Variants in CERS6 observed in about 807,000 individuals in gnomAD.
The protein encoded by CERS6 is ceramide synthase 6, also known as LAG1 homolog, ceramide synthase 6.
A neutral mutation model predicts 56.8 loss-of-function variants in CERS6; 26 were observed. That is an observed-to-expected ratio of 0.46 (90% CI 0.34 to 0.63). The LOEUF is 0.63. Among genes scored for constraint, CERS6 ranks in the 30% least tolerant of loss-of-function variants. The pLI, the probability that CERS6 is intolerant of heterozygous loss-of-function variation, is 0.01. For synonymous variants in CERS6, 164 were observed against 173.3 expected (o/e 0.95, Z 0.42); for missense variants, 415 against 467.5 (o/e 0.89, Z 1.04).
At chr2:168,643,054 A>G (rs1260509388) in intron 4 of CERS6, among the ~76,000 whole-genome samples, 1 of 152,212 alleles carries the variant, frequency 6.6e-6, no homozygotes, top group Non-Finnish European at 1.5e-5. Context: ...GGCGGAGGTA[A>G]TAACTATACC....
intron 3 of CERS6, among the ~76,000 whole-genome samples, chr2:168,582,487 G>A (rs1405749668): frequency 6.6e-6 from 1 of 152,008 alleles, no homozygotes; most frequent in African/African-American, 2.4e-5. Context: ...AGAGAGCAAG[G>A]GGTTTGTCTG....
chr2:168,571,485 A>G (rs527475888), intron 3 of CERS6, among the ~76,000 whole-genome samples: 1 of 152,228 alleles, frequency 6.6e-6, no homozygotes, highest in African/African-American at 2.4e-5. Flanking sequence ...CATTTGGACT[A>G]AGTAACAGGG....
intron 4 of CERS6, among the ~76,000 whole-genome samples, chr2:168,674,055 G>A (rs572205460): frequency 2.6e-5 from 4 of 152,056 alleles, no homozygotes; most frequent in Non-Finnish European, 5.9e-5. Context: ...GACCTGTTAC[G>A]TATGGGTTTT....
chr2:168,630,134 A>G (rs936805652), intron 3 of CERS6, among the ~76,000 whole-genome samples: 3 of 152,018 alleles, frequency 2.0e-5, no homozygotes, highest in Non-Finnish European at 4.4e-5. Context: ...TTATACTACA[A>G]TAAGTTAATT....
chr2:168,570,582 A>G (rs1695967447), intron 3 of CERS6, among the ~76,000 whole-genome samples: 1 of 152,104 alleles, frequency 6.6e-6, no homozygotes, highest in Non-Finnish European at 1.5e-5. Context: ...GATCAGCCTT[A>G]GGAGGTCAGC....
At chr2:168,663,014 G>A (rs1252027547) in intron 4 of CERS6, among the ~76,000 whole-genome samples, 1 of 152,210 alleles carries the variant, frequency 6.6e-6, no homozygotes, top group East Asian at 1.9e-4. Flanking sequence ...TGTGAATGGA[G>A]CCTATTGTTA....
intron 1 of CERS6, among the ~76,000 whole-genome samples, chr2:168,531,641 G>A (rs1056675511): frequency 1.2e-4 from 18 of 152,098 alleles, no homozygotes; most frequent in Non-Finnish European, 1.5e-5. Context: ...GACCAACATG[G>A]TGAAACCCCG....
At chr2:168,766,217 C>T in intron 9 of CERS6, 2 of 1,029,898 alleles carry the variant, frequency 1.9e-6, no homozygotes, top group Middle Eastern at 2.0e-4. Flanking sequence ...AATAAAGCTT[C>T]CTAAGCCTCA....
At chr2:168,565,706 A>T (rs1695872494) in intron 3 of CERS6, among the ~76,000 whole-genome samples, 1 of 152,246 alleles carries the variant, frequency 6.6e-6, no homozygotes, top group Non-Finnish European at 1.5e-5. Flanking sequence ...CTGTTTAGCG[A>T]GTAAAATGCT....
At chr2:168,546,849 G>C (rs926798294) in intron 1 of CERS6, among the ~76,000 whole-genome samples, 15 of 151,856 alleles carry the variant, frequency 9.9e-5, no homozygotes, top group Non-Finnish European at 4.4e-5. Flanking sequence ...CACACCTTTG[G>C]GGCCCCATGC....
chr2:168,739,132 T>C (rs7589456), intron 8 of CERS6, among the ~76,000 whole-genome samples: 133,963 of 146,006 alleles, frequency 0.92, 61,561 homozygotes, highest in East Asian at 0.99. Flanking sequence ...TGGTCTCAAA[T>C]TCCTGAGCTC....
At chr2:168,632,354 A>G (rs1480185118) in intron 4 of CERS6, among the ~76,000 whole-genome samples, 1 of 152,214 alleles carries the variant, frequency 6.6e-6, no homozygotes, top group Non-Finnish European at 1.5e-5. Flanking sequence ...TTTTAAATAC[A>G]TTTAAGATTT....
intron 1 of CERS6, among the ~76,000 whole-genome samples, chr2:168,534,510 G>T (rs1695223887): frequency 6.6e-6 from 1 of 151,940 alleles, no homozygotes; most frequent in South Asian, 2.1e-4. Flanking sequence ...GTTCCCTGGG[G>T]GTTCATTTCA....
At chr2:168,677,984 C>T (rs576828473) in intron 4 of CERS6, among the ~76,000 whole-genome samples, 1 of 152,284 alleles carries the variant, frequency 6.6e-6, no homozygotes, top group Admixed American at 6.5e-5. Flanking sequence ...CTAATCAAAA[C>T]CACAATGAAA....
At chr2:168,678,471 A>G (rs150978014) in intron 4 of CERS6, among the ~76,000 whole-genome samples, 22 of 152,290 alleles carry the variant, frequency 1.4e-4, no homozygotes, top group East Asian at 5.8e-4. Context: ...AGGGAAGAAC[A>G]AGATTTTGGT....
intron 3 of CERS6, among the ~76,000 whole-genome samples, chr2:168,611,813 G>A (rs1684195633): frequency 6.6e-6 from 1 of 152,150 alleles, no homozygotes; most frequent in Non-Finnish European, 1.5e-5. Flanking sequence ...TAACAAAAAA[G>A]CAACACAGAG....
At chr2:168,509,873 C>T (rs548626614) in intron 1 of CERS6, among the ~76,000 whole-genome samples, 1 of 152,182 alleles carries the variant, frequency 6.6e-6, no homozygotes, top group Non-Finnish European at 1.5e-5. Context: ...CGAGCCTGAT[C>T]AACACAGTCA....
chr2:168,685,963 A>G (rs1686338847), intron 4 of CERS6, among the ~76,000 whole-genome samples: 1 of 151,416 alleles, frequency 6.6e-6, no homozygotes, highest in African/African-American at 2.4e-5. Flanking sequence ...CAGACATTTT[A>G]TAAGTCTTCT....
intron 4 of CERS6, among the ~76,000 whole-genome samples, chr2:168,649,160 C>T (rs1685277868): frequency 1.3e-5 from 2 of 152,134 alleles, no homozygotes; most frequent in South Asian, 4.1e-4. Context: ...CAGCATACTG[C>T]CTCAAGCTGT....
Sources: gnomAD v4.1 joint callset for allele counts (sites outside exome capture counted in the v4.1 genomes callset) on GRCh38, gnomAD v4.1.1 for gene constraint, MANE v1.5 for transcripts, NCBI Gene and HGNC (gene_info 2026-07-23, HGNC 2026-07-21) for gene names.